The following STEEP1 variants were observed in gnomAD, a reference collection of about 807,000 sequenced individuals.
STEEP1 encodes the protein STING1 ER exit protein 1.
Under a neutral mutation model 19.2 loss-of-function variants are expected in STEEP1, and 3 were observed. The observed-to-expected ratio is 0.16, with a 90% CI of 0.07 to 0.40. The LOEUF (loss-of-function observed/expected upper bound fraction) is 0.40. Ranked by LOEUF, STEEP1 falls within the 10% of genes least tolerant of loss-of-function variation. The pLI is 0.99. For missense variants in STEEP1, 54 were observed against 177.1 expected, an observed-to-expected ratio of 0.30 and a Z score of 3.94; for synonymous variants, 46 against 63.7, an observed-to-expected ratio of 0.72 and a Z score of 1.32.
intron 2 of STEEP1, among the ~76,000 whole-genome samples, chrX:119,559,132 C>T (rs1202570275): frequency 9.1e-6 from 1 of 109,711 alleles, no homozygotes; most frequent in Non-Finnish European, 1.9e-5. Flanking sequence ...GCAGGAGAAT[C>T]GCTTGAACCT....
At chrX:119,561,218 AAC>A (rs1396981139) in intron 1 of STEEP1, among the ~76,000 whole-genome samples, 1 of 109,804 alleles carries the variant, frequency 9.1e-6, no homozygotes, top group Non-Finnish European at 1.9e-5. Context: ...CAGCCTGGGC[AAC>A]AGAGCGAGAC....
At chrX:119,554,600 G>A (rs2053266117) in intron 2 of STEEP1, among the ~76,000 whole-genome samples, 1 of 111,985 alleles carries the variant, frequency 8.9e-6, no homozygotes, top group Non-Finnish European at 1.9e-5. Flanking sequence ...ACAACTGTGT[G>A]TGCCTTCTGA....
At chrX:119,542,438 T>C in intron 5 of STEEP1, 67 bp downstream of exon 5, 3 of 793,158 alleles carry the variant, frequency 3.8e-6, no homozygotes, top group Non-Finnish European at 5.8e-6. Context: ...AGGCTCCCGC[T>C]CTAGAGTCCC....
chrX:119,542,041 G>GTTTCT (rs1301820097), intron 5 of STEEP1, among the ~76,000 whole-genome samples: 77 of 82,487 alleles, frequency 9.3e-4, no homozygotes, highest in Non-Finnish European at 1.5e-3. Flanking sequence ...CACTGTCAGA[G>GTTTCT]TTTCTTTTCT....
intron 2 of STEEP1, among the ~76,000 whole-genome samples, chrX:119,547,208 AATAG>A (rs915931773): frequency 8.9e-6 from 1 of 112,037 alleles, no homozygotes; most frequent in Non-Finnish European, 1.9e-5. Flanking sequence ...ATTCCATATC[AATAG>A]ATAAAGAGTT....
chrX:119,550,845 T>C (rs2053237389), intron 2 of STEEP1, among the ~76,000 whole-genome samples: 1 of 110,787 alleles, frequency 9.0e-6, no homozygotes, highest in South Asian at 3.8e-4. Flanking sequence ...GTGTTTTTAG[T>C]AGACATGGGG....
chrX:119,540,467 G>A (rs2053155482), intron 6 of STEEP1, among the ~76,000 whole-genome samples: 1 of 111,319 alleles, frequency 9.0e-6, no homozygotes. Flanking sequence ...GACACAAAGA[G>A]ACTGGTATAC....
In STEEP1 at chrX:119,565,388, A is replaced by G. The variant is rs776821579; in HGVS notation, c.-33T>C. The G allele has an allele frequency of 3.6e-6, 4 of 1,104,382 alleles. No homozygotes were observed. The East Asian group carries it at 1.2e-4, about 33-fold the overall frequency. The allele number at this position is 1,104,382 out of a possible 1,213,427, so 91.0% of individuals were successfully genotyped here. A position where few individuals can be genotyped will look rare whatever the true frequency, so the allele number is the denominator to read the frequency against. Reference sequence around the variant, plus strand: ...AAGAGCAATCTGAAAACTCTACGCCAAGAAGAGGGTCGCCCCGAAATGACG... The same window carrying G: ...AAGAGCAATCTGAAAACTCTACGCCGAGAAGAGGGTCGCCCCGAAATGACG... On this transcript the variant is annotated 5_prime_UTR_variant, in exon 1 of 7. Coordinates refer to ENST00000644802, the MANE Select transcript of STEEP1 (RefSeq NM_022101.4).
At chrX:119,549,325 G>A (rs780804536) in intron 2 of STEEP1, among the ~76,000 whole-genome samples, 7 of 111,617 alleles carry the variant, frequency 6.3e-5, no homozygotes, top group African/African-American at 2.3e-4. Context: ...ATATCAAGCT[G>A]TATCCCTTAA....
chrX:119,548,474 C>T (rs1348073152), intron 2 of STEEP1, among the ~76,000 whole-genome samples: 13 of 89,141 alleles, frequency 1.5e-4, no homozygotes, highest in African/African-American at 5.9e-4. Context: ...GTAGAGGTTG[C>T]AGTGAACCGA....
chrX:119,557,178 A>AAAG (rs2053286093), intron 2 of STEEP1, among the ~76,000 whole-genome samples: 1 of 107,932 alleles, frequency 9.3e-6, no homozygotes, highest in African/African-American at 3.4e-5. Context: ...AAAAAAGAAA[A>AAAG]GAAAGAAAGA....
chrX:119,547,956 G>A (rs991742373), intron 2 of STEEP1, among the ~76,000 whole-genome samples: 7 of 109,033 alleles, frequency 6.4e-5, no homozygotes, highest in African/African-American at 2.3e-4. Context: ...CAGATTACTT[G>A]AGGCCAGCAG....
rs777045856 is a variant in STEEP1 at position 119,539,313 on chromosome X, T to C, written c.*414A>G. ...TTGGGAGGCCTAGGTGGGTGGATCA[T>C]TTGAGGTCAGGAGTTGGAGACCAGC... On this transcript the variant is annotated 3_prime_UTR_variant, in exon 7 of 7. Coordinates refer to ENST00000644802, the MANE Select transcript of STEEP1 (RefSeq NM_022101.4). The C allele has an allele frequency of 1.1e-3, 127 of 115,231 alleles. No homozygotes were observed. The highest frequency in any genetic ancestry group is 4.4e-3 in the Middle Eastern group (1 of 227). 9.5% of individuals were successfully genotyped at this position (115,231 alleles called of 1,213,427 possible). A position where few individuals can be genotyped will look rare whatever the true frequency, so the allele number is the denominator to read the frequency against.
intron 4 of STEEP1, among the ~76,000 whole-genome samples, chrX:119,543,477 G>C (rs1387007289): frequency 1.9e-5 from 2 of 105,794 alleles, no homozygotes; most frequent in African/African-American, 6.9e-5. Flanking sequence ...GTGAGCCACT[G>C]CACCCGGCCA....
At chrX:119,542,118 G>C (rs970376723) in intron 5 of STEEP1, among the ~76,000 whole-genome samples, 5 of 100,877 alleles carry the variant, frequency 5.0e-5, no homozygotes, top group Non-Finnish European at 1.0e-4. Context: ...CCAGGCTGGA[G>C]TGCACTGGCG....
rs1301820097 is a variant in STEEP1 at position 119,542,041 on chromosome X, GTTTCT to G, written c.513+459_513+463del. 8.7e-4 allele frequency among the ~76,000 whole-genome samples: 72 copies of G among 82,430 alleles called. 2 individuals carry two copies. Among genetic ancestry groups the G allele is most frequent in the African/African-American group, 3.3e-3 (66 of 19,942 alleles). The allele number at this position is 82,430 out of a possible 115,157, so 71.6% of individuals were successfully genotyped here. On this transcript the variant is annotated intron_variant, in intron 5 of 6. Transcript: ENST00000644802. The stretch of plus-strand genomic sequence containing the variant: ...AAACAGGAACTGGCTCACTGTCAGA[GTTTCT>G]TTTCTTTTCTTTTTTTTTTTTTTTT...
At chrX:119,562,533 CAAAAAAA>C (rs143743500) in intron 1 of STEEP1, among the ~76,000 whole-genome samples, 1 of 71,499 alleles carries the variant, frequency 1.4e-5, no homozygotes, top group Non-Finnish European at 2.8e-5. Flanking sequence ...AACTCCGTCT[CAAAAAAA>C]AAAAAAAAAA....
intron 2 of STEEP1, among the ~76,000 whole-genome samples, chrX:119,548,487 T>C (rs1445057888): frequency 1.1e-5 from 1 of 91,322 alleles, no homozygotes; most frequent in Non-Finnish European, 2.1e-5. Flanking sequence ...TGAACCGAGA[T>C]TGCACCACTG....
chrX:119,543,993 T>G (rs1420031080), intron 4 of STEEP1, among the ~76,000 whole-genome samples: 2 of 111,419 alleles, frequency 1.8e-5, no homozygotes, highest in Non-Finnish European at 3.8e-5. Flanking sequence ...CATCTGTTTA[T>G]ACACAAAAAT....
Sources: allele counts gnomAD v4.1 joint callset (sites outside exome capture counted in the v4.1 genomes callset), GRCh38; gene constraint gnomAD v4.1.1; transcripts MANE v1.5; gene names NCBI Gene and HGNC (gene_info 2026-07-23, HGNC 2026-07-21).